SYCE1: variants seen among roughly 807,000 people sequenced by gnomAD.
SYCE1 encodes the protein cancer/testis antigen 76.
In SYCE1, 37 loss-of-function variants were observed where a neutral mutation model predicts 55.1. The ratio of observed to expected loss-of-function variants is 0.67; its 90% CI spans 0.52 to 0.88. The LOEUF (loss-of-function observed/expected upper bound fraction) is 0.88. Ranked by LOEUF, SYCE1 falls within the 40% of genes least tolerant of loss-of-function variation. The pLI is 0.00. For missense variants in SYCE1, 399 were observed against 416.4 expected (o/e 0.96, Z 0.36); for synonymous variants, 163 against 159.4 (o/e 1.02, Z -0.17).
rs945289172 is a variant in SYCE1 at position 133,559,320 on chromosome 10, C to T, written c.177G>A (p.Arg59=). The T allele has an allele frequency of 6.2e-7, 1 of 1,614,190 alleles. No individual in the cohort carries two copies. Among genetic ancestry groups the T allele is most frequent in the Non-Finnish European group, 8.5e-7 (1 of 1,180,030 alleles). The stretch of plus-strand genomic sequence containing the variant: ...ACTCACCTTGCTGGACCTCATTAAT[C>T]CGGTTAATCAGGACCTCAACTCGGG... ...LEPRVEVLIN[R]INEVQQAKKK... The change falls in exon 3 of 13, where the codon CGG becomes CGA. Residue 59 remains arginine, a synonymous_variant. Transcript: ENST00000343131.
chr10:133,566,436 G>A (rs1196020971), upstream of SYCE1, among the ~76,000 whole-genome samples: 8 of 152,058 alleles, frequency 5.3e-5, no homozygotes, highest in Non-Finnish European at 7.4e-5. Context: ...AGTTGGGGTT[G>A]GGGTTAGGGT....
At chr10:133,568,229 C>A, upstream of SYCE1, 1 of 1,346,854 alleles carries the variant, frequency 7.4e-7, no homozygotes, top group South Asian at 1.2e-5. Context: ...CCTCCGGGAA[C>A]CCAGTCCTCC....
chr10:133,558,772 G>A, intron 4 of SYCE1, 105 bp downstream of exon 4: 1 of 1,126,266 alleles, frequency 8.9e-7, no homozygotes. Context: ...GCTAGAGAGG[G>A]TACAGGACCC....
In SYCE1 at chr10:133,555,107, C is replaced by T. The variant is rs1851624228; in HGVS notation, c.941G>A (p.Gly314Glu). 1.3e-6 allele frequency: 2 copies of T among 1,550,368 alleles called. No homozygotes were observed. The highest frequency in any genetic ancestry group is 4.9e-5 in the East Asian group (2 of 40,920). ...GDVASPKPLK[G>E]ERPGAAHQAG... ...TTGGTGTGCAGCTCCAGGTCTTTCT[C>T]CTTTTAGGGGCTTGGGACTGGCCTG... Residue 314 changes from glycine to glutamate, a missense_variant, in exon 13 of 13, where the codon GGA (glycine) becomes GAA (glutamate). Gly to Glu is a moderately conservative substitution (Grantham distance 98, BLOSUM62 -2). Coordinates refer to ENST00000343131, the MANE Select transcript of SYCE1 (RefSeq NM_001143764.3).
chr10:133,566,650 CAG>C (rs1851944381), upstream of SYCE1, among the ~76,000 whole-genome samples: 1 of 115,706 alleles, frequency 8.6e-6, no homozygotes, highest in African/African-American at 3.5e-5. Context: ...GGATTAGGGT[CAG>C]GGGTGGGGGT....
upstream of SYCE1, among the ~76,000 whole-genome samples, chr10:133,566,566 GGTAGGGTTTTACGGT>G (rs1851939414): frequency 8.0e-6 from 1 of 124,406 alleles, no homozygotes; most frequent in Admixed American, 8.6e-5. Context: ...TCGGGGTAGG[GGTAGGGTTTTACGGT>G]TAGGGTCAGG....
chr10:133,557,493 A>G (rs1851714565), intron 6 of SYCE1: 4 of 483,346 alleles, frequency 8.3e-6, no homozygotes, highest in African/African-American at 5.8e-5. Context: ...GGATGGACAA[A>G]TCGATGGGTG....
intron 1 of SYCE1, 62 bp from the exon 2 acceptor site, chr10:133,560,215 G>A: frequency 6.7e-7 from 1 of 1,493,890 alleles, no homozygotes; most frequent in Non-Finnish European, 9.3e-7. Flanking sequence ...CCTGGGCTGA[G>A]ACTGAGGCAG....
intron 1 of SYCE1, among the ~76,000 whole-genome samples, chr10:133,563,643 T>C (rs906523002): frequency 2.0e-5 from 3 of 151,318 alleles, no homozygotes; most frequent in Non-Finnish European, 4.4e-5. Flanking sequence ...TGAGCAGTGA[T>C]TGTACCACTG....
chr10:133,556,629 A>T, intron 8 of SYCE1, 130 bp downstream of exon 8: 1 of 902,562 alleles, frequency 1.1e-6, no homozygotes, highest in Non-Finnish European at 1.8e-6. Flanking sequence ...GATTCAGGCA[A>T]TGTCGATCTT....
At chr10:133,566,176 C>A (rs1415857392), upstream of SYCE1, among the ~76,000 whole-genome samples, 1 of 152,182 alleles carries the variant, frequency 6.6e-6, no homozygotes, top group Non-Finnish European at 1.5e-5. Flanking sequence ...CGTGGAGGCC[C>A]GGAGGGCCCT....
intron 2 of SYCE1, 25 bp from the exon 3 acceptor site, chr10:133,559,385 T>C (rs1393749573): frequency 5.6e-6 from 9 of 1,613,152 alleles, no homozygotes; most frequent in African/African-American, 1.3e-5. Context: ...GGAGGTTGAG[T>C]TGACAGGGCA....
chr10:133,566,740 G>A (rs1320840959), upstream of SYCE1, among the ~76,000 whole-genome samples: 2 of 151,548 alleles, frequency 1.3e-5, no homozygotes, highest in Admixed American at 6.6e-5. Flanking sequence ...TACGTGTTGG[G>A]GTTGGGATTA....
intron 10 of SYCE1, 30 bp from the exon 11 acceptor site, chr10:133,555,737 C>T: frequency 6.2e-7 from 1 of 1,608,564 alleles, no homozygotes. Context: ...GTGGTCAGCA[C>T]CGGCCACTCC....
At chr10:133,555,537 G>A (rs1851644048) in intron 11 of SYCE1, 60 bp downstream of exon 11, 3 of 1,605,780 alleles carry the variant, frequency 1.9e-6, no homozygotes, top group Admixed American at 1.7e-5. Context: ...GTGGAGAGAG[G>A]AGATACAACA....
At position 133,557,856 on chromosome 10, in the gene SYCE1, G is replaced by A. The variant is rs181747128; in HGVS notation, c.374+8C>T. On this transcript the variant is annotated splice_region_variant and intron_variant, in intron 6 of 12. Coordinates refer to ENST00000343131, the MANE Select transcript of SYCE1 (RefSeq NM_001143764.3). The stretch of plus-strand genomic sequence containing the variant: ...AGTGCAGAGTTAGGCTCAGCTGGAA[G>A]CTCTTACCTGTGTGCCTCACTTTCC... 26 of 1,614,096 alleles carry A rather than the reference G, an allele frequency of 1.6e-5. No homozygotes were observed. The highest frequency in any genetic ancestry group is 2.2e-5 in the Non-Finnish European group (26 of 1,179,986).
intron 1 of SYCE1, among the ~76,000 whole-genome samples, chr10:133,564,732 G>A (rs796854754): frequency 5.3e-5 from 8 of 152,216 alleles, no homozygotes; most frequent in African/African-American, 1.7e-4. Flanking sequence ...AGAATGACAA[G>A]CTGAGTGACA....
At position 133,555,402 on chromosome 10, in the gene SYCE1, G is replaced by C. The variant is rs138177213; in HGVS notation, c.867C>G (p.Val289=). 7,676 of 1,614,108 alleles carry C rather than the reference G, an allele frequency of 4.8e-3. 44 individuals carry two copies. The highest frequency in any genetic ancestry group is 0.013 in the Middle Eastern group (76 of 6,048). The change falls in exon 12 of 13, where the codon GTC becomes GTG. Residue 289 remains valine (V), a synonymous_variant. Coordinates refer to ENST00000343131, the MANE Select transcript of SYCE1 (RefSeq NM_001143764.3). ...KEELEKHGMQ[V]PAQAQSTQEE... is the part of the protein sequence containing the mutation. ...CTTGTGTGCTCTGGGCTTGGGCAGG[G>C]ACTTGCATTCCATGCTTTTCCAGCT... is the stretch of plus-strand genomic sequence containing the variant.
intron 4 of SYCE1, chr10:133,558,502 G>T (rs1004272773): frequency 3.6e-6 from 2 of 551,544 alleles, no homozygotes; most frequent in Admixed American, 6.2e-5. Flanking sequence ...GGGCTATAAA[G>T]AAACACATCA....
Sources: allele counts gnomAD v4.1 joint callset (sites outside exome capture counted in the v4.1 genomes callset), GRCh38; gene constraint gnomAD v4.1.1; transcripts MANE v1.5; gene names NCBI Gene and HGNC (gene_info 2026-07-23, HGNC 2026-07-21).